GLIS3: variants seen among roughly 807,000 people sequenced by gnomAD.
GLIS3 encodes the protein GLIS family zinc finger 3, also known as zinc finger protein GLIS3.
GLIS3 carries 53 observed loss-of-function variants against 78.6 expected under a neutral mutation model. The observed-to-expected ratio is 0.67, with a 90% CI of 0.54 to 0.85. The LOEUF (loss-of-function observed/expected upper bound fraction) is 0.85, where lower values mean the gene tolerates loss of function less well. Ranked by LOEUF, GLIS3 falls within the 40% of genes least tolerant of loss-of-function variation. GLIS3 has a pLI of 0.00. For missense variants in GLIS3, 1,703 were observed against 1,231.1 expected (o/e 1.38, Z -5.74); for synonymous variants, 684 against 509.9 (o/e 1.34, Z -4.60).
intron 2 of GLIS3, among the ~76,000 whole-genome samples, chr9:4,326,492 G>A (rs926822654): frequency 1.3e-5 from 2 of 152,160 alleles, no homozygotes; most frequent in Non-Finnish European, 2.9e-5. Flanking sequence ...AGTATTTACA[G>A]TAGTAAAATT....
intron 4 of GLIS3, among the ~76,000 whole-genome samples, chr9:4,019,008 G>T (rs757024484): frequency 6.6e-6 from 1 of 152,170 alleles, no homozygotes; most frequent in Non-Finnish European, 1.5e-5. Context: ...GTCACTTCAC[G>T]CAGGGCTGGT....
chr9:4,175,207 C>T lies in GLIS3; in HGVS notation c.389-49266G>A, dbSNP rs117307882. On this transcript the variant is annotated intron_variant, in intron 2 of 10. Transcript: ENST00000381971. ...CATTAGAACCTCATACTCTCAGCCCCAAGCCTCTTTATTAAAAGCAAATGC... is the reference window on the plus strand; with the variant it reads ...CATTAGAACCTCATACTCTCAGCCCTAAGCCTCTTTATTAAAAGCAAATGC... 4.1e-3 allele frequency among the ~76,000 whole-genome samples: 627 copies of T among 152,320 alleles called. 5 individuals are homozygous for T. The highest frequency in any genetic ancestry group is 7.2e-3 in the Non-Finnish European group (490 of 68,026).
At chr9:4,387,389 T>A in the GLIS3 span, among the ~76,000 whole-genome samples, 1 of 152,116 alleles carries the variant, frequency 6.6e-6, no homozygotes, top group African/African-American at 2.4e-5. Context: ...TCAGTTACCA[T>A]CATTTTGGGT....
At chr9:3,939,323 G>C (rs1458244835) in intron 4 of GLIS3, among the ~76,000 whole-genome samples, 1 of 152,174 alleles carries the variant, frequency 6.6e-6, no homozygotes, top group East Asian at 1.9e-4. Context: ...GGATTAGAAG[G>C]ATCCAAGACA....
intron 4 of GLIS3, among the ~76,000 whole-genome samples, chr9:4,048,909 C>T (rs916741595): frequency 6.6e-6 from 1 of 152,188 alleles, no homozygotes; most frequent in African/African-American, 2.4e-5. Flanking sequence ...ATGCCAGTGA[C>T]CCTACTGCAT....
At chr9:4,454,278 T>G in the GLIS3 span, among the ~76,000 whole-genome samples, 1 of 152,100 alleles carries the variant, frequency 6.6e-6, no homozygotes, top group Non-Finnish European at 1.5e-5. Flanking sequence ...GTACTAGGAT[T>G]ACAGGCATGA....
At chr9:4,182,300 G>A (rs922628555) in intron 2 of GLIS3, among the ~76,000 whole-genome samples, 3 of 152,140 alleles carry the variant, frequency 2.0e-5, no homozygotes, top group African/African-American at 7.2e-5. Flanking sequence ...GTATTCTTCA[G>A]TTCTGCCACA....
intron 2 of GLIS3, among the ~76,000 whole-genome samples, chr9:4,171,974 G>C (rs542748994): frequency 6.6e-5 from 10 of 152,272 alleles, no homozygotes; most frequent in African/African-American, 2.4e-4. Flanking sequence ...ATAATAACCA[G>C]AAGGGTTTTT....
chr9:4,426,580 T>A, the GLIS3 span, among the ~76,000 whole-genome samples: 1 of 152,256 alleles, frequency 6.6e-6, no homozygotes. Flanking sequence ...TTCCTGAGCC[T>A]TCCTTTGTGC....
chr9:4,435,915 C>G, the GLIS3 span, among the ~76,000 whole-genome samples: 1 of 152,318 alleles, frequency 6.6e-6, no homozygotes, highest in South Asian at 2.1e-4. Flanking sequence ...TGCCACTGCA[C>G]TCCAGCCTGG....
At chr9:4,112,765 T>C (rs1831322856) in intron 4 of GLIS3, among the ~76,000 whole-genome samples, 1 of 152,220 alleles carries the variant, frequency 6.6e-6, no homozygotes, top group Non-Finnish European at 1.5e-5. Context: ...ATAAAATATA[T>C]CCTTATAGTT....
the GLIS3 span, among the ~76,000 whole-genome samples, chr9:4,401,996 A>AAGGTTTTTTGCTCC: frequency 1.3e-5 from 2 of 152,154 alleles, no homozygotes; most frequent in Non-Finnish European, 2.9e-5. Flanking sequence ...ATAAACTGCC[A>AAGGTTTTTTGCTCC]AGGTTTTTTG....
intron 4 of GLIS3, among the ~76,000 whole-genome samples, chr9:4,026,534 C>T (rs1294339402): frequency 6.6e-6 from 1 of 152,154 alleles, no homozygotes; most frequent in African/African-American, 2.4e-5. Context: ...AAAAATCTAT[C>T]TATCTATCTA....
chr9:4,223,078 C>T (rs1420585713), intron 2 of GLIS3, among the ~76,000 whole-genome samples: 1 of 152,186 alleles, frequency 6.6e-6, no homozygotes, highest in African/African-American at 2.4e-5. Context: ...CCCACACCTA[C>T]ACTTCACAAG....
At chr9:4,123,219 G>T (rs1278371643) in intron 3 of GLIS3, among the ~76,000 whole-genome samples, 1 of 152,174 alleles carries the variant, frequency 6.6e-6, no homozygotes, top group South Asian at 2.1e-4. Flanking sequence ...ACATTTTACA[G>T]ATCAAACTGG....
At chr9:4,473,456 A>C in the GLIS3 span, among the ~76,000 whole-genome samples, 37,047 of 131,210 alleles carry the variant, frequency 0.28, 7,015 homozygotes, top group Middle Eastern at 0.41. Flanking sequence ...AACAACAACA[A>C]CAACAAAAAA....
chr9:4,457,046 C>T, the GLIS3 span, among the ~76,000 whole-genome samples: 3 of 152,144 alleles, frequency 2.0e-5, no homozygotes, highest in Non-Finnish European at 4.4e-5. Context: ...TCAGGGTTGC[C>T]ACAAACCTTC....
At chr9:4,161,140 A>T (rs1283626694) in intron 2 of GLIS3, among the ~76,000 whole-genome samples, 1 of 151,794 alleles carries the variant, frequency 6.6e-6, no homozygotes, top group Non-Finnish European at 1.5e-5. Context: ...TTAATTATTC[A>T]GGCATGTTGG....
the GLIS3 span, among the ~76,000 whole-genome samples, chr9:4,436,544 C>G: frequency 6.6e-6 from 1 of 152,052 alleles, no homozygotes; most frequent in African/African-American, 2.4e-5. Flanking sequence ...GGTGGCTCAG[C>G]CTGTAATCCC....
Sources: allele counts gnomAD v4.1 joint callset (sites outside exome capture counted in the v4.1 genomes callset), GRCh38; gene constraint gnomAD v4.1.1; transcripts MANE v1.5; gene names NCBI Gene and HGNC (gene_info 2026-07-23, HGNC 2026-07-21).